Variants in ADGRA1 observed in about 807,000 individuals in gnomAD.
ADGRA1 encodes the protein G-protein coupled receptor 123.
A neutral mutation model predicts 21.3 loss-of-function variants in ADGRA1; 12 were observed. The observed-to-expected ratio is 0.56, with a 90% CI of 0.36 to 0.91. The LOEUF (loss-of-function observed/expected upper bound fraction) is 0.91, where lower values mean the gene tolerates loss of function less well. Ranked by LOEUF, ADGRA1 falls within the 40% of genes least tolerant of loss-of-function variation. The pLI is 0.01. For missense variants in ADGRA1, 790 were observed against 805.6 expected, an observed-to-expected ratio of 0.98 and a Z score of 0.23; for synonymous variants, 385 against 368.8, an observed-to-expected ratio of 1.04 and a Z score of -0.50.
At chr10:133,101,442 C>T (rs1851793219) in intron 4 of ADGRA1, among the ~76,000 whole-genome samples, 1 of 152,346 alleles carries the variant, frequency 6.6e-6, no homozygotes, top group African/African-American at 2.4e-5. Context: ...CCGTGGGACG[C>T]TGGTGGCTTC....
At chr10:133,104,069 C>T (rs1307204633) in intron 5 of ADGRA1, among the ~76,000 whole-genome samples, 1 of 152,248 alleles carries the variant, frequency 6.6e-6, no homozygotes, top group Non-Finnish European at 1.5e-5. Flanking sequence ...CTCGGAAGGG[C>T]TGTCCGGCAC....
intron 5 of ADGRA1, among the ~76,000 whole-genome samples, chr10:133,110,491 C>T (rs1204268270): frequency 2.6e-5 from 4 of 152,252 alleles, no homozygotes; most frequent in Admixed American, 6.5e-5. Context: ...GACCCAGGCA[C>T]CTGCCACGCC....
At chr10:133,115,570 C>T (rs1437519327) in intron 5 of ADGRA1, among the ~76,000 whole-genome samples, 1 of 152,212 alleles carries the variant, frequency 6.6e-6, no homozygotes, top group African/African-American at 2.4e-5. Flanking sequence ...CAGTGCTAGC[C>T]AGCCACCTCC....
chr10:133,102,745 G>A lies in ADGRA1; in HGVS notation c.304G>A (p.Gly102Arg). The A allele has an allele frequency of 6.2e-7, 1 of 1,612,726 alleles. No homozygotes were observed. Among genetic ancestry groups the A allele is most frequent in the Non-Finnish European group, 8.5e-7 (1 of 1,179,810 alleles). The change falls in exon 5 of 7, where the codon GGA (glycine) becomes AGA (arginine). Residue 102 changes from glycine to arginine, a missense_variant. Gly to Arg is a moderately radical substitution (Grantham distance 125). Coordinates refer to ENST00000392607, the MANE Select transcript of ADGRA1 (RefSeq NM_001083909.3). ...TACACTGTCCACCATGCTGTGGATA[G>A]GAGTGACCGCCAGGAACATCTACAA... Reference protein sequence around the residue: ...YSTLSTMLWIGVTARNIYKQV... With the variant: ...YSTLSTMLWIRVTARNIYKQV...
chr10:133,115,036 G>T (rs1357321668), intron 5 of ADGRA1, among the ~76,000 whole-genome samples: 1 of 152,214 alleles, frequency 6.6e-6, no homozygotes, highest in Non-Finnish European at 1.5e-5. Flanking sequence ...TGGTGGGGCA[G>T]CGCCACTGTC....
At chr10:133,089,139 G>A in intron 2 of ADGRA1, 1 of 728,992 alleles carries the variant, frequency 1.4e-6, no homozygotes, top group Non-Finnish European at 1.9e-6. Context: ...TCATACTAAT[G>A]AGTTGCAGGC....
chr10:133,117,800 G>A (rs559711282), intron 5 of ADGRA1, among the ~76,000 whole-genome samples: 1 of 152,362 alleles, frequency 6.6e-6, no homozygotes, highest in South Asian at 2.1e-4. Flanking sequence ...CTTGCAATCT[G>A]GTGACTTCAT....
intron 2 of ADGRA1, among the ~76,000 whole-genome samples, chr10:133,094,234 G>T (rs570305432): frequency 6.6e-6 from 1 of 152,240 alleles, no homozygotes; most frequent in South Asian, 2.1e-4. Context: ...CCTTGCACTC[G>T]CGCCCTGAGA....
At position 133,128,743 on chromosome 10, in the gene ADGRA1, C is replaced by T. The variant is rs1852438560; in HGVS notation, c.915C>T (p.His305=). The T allele has an allele frequency of 6.2e-7, 1 of 1,612,068 alleles. No individual in the cohort carries two copies. Residue 305 remains histidine (H), a synonymous_variant, in exon 7 of 7, where the codon CAC becomes CAT. Coordinates refer to ENST00000392607, the MANE Select transcript of ADGRA1 (RefSeq NM_001083909.3). Reference sequence around the variant, plus strand: ...CCCTGGGACTCTTCGTGCTCATCCACCACTGCGCCAAGCGTGAGGACGTGT... The same window carrying T: ...CCCTGGGACTCTTCGTGCTCATCCATCACTGCGCCAAGCGTGAGGACGTGT... ...CVTLGLFVLI[H]HCAKREDVWQ... is the part of the protein sequence containing the mutation.
Position 133,129,072 on chromosome 10 carries a change from G to A in ADGRA1, c.1244G>A (p.Gly415Glu). 1 of 1,550,244 alleles carries A rather than the reference G, an allele frequency of 6.5e-7. No homozygotes were observed. Among genetic ancestry groups the A allele is most frequent in the Non-Finnish European group, 8.7e-7 (1 of 1,145,394 alleles). Residue 415 changes from glycine to glutamate, a missense_variant, in exon 7 of 7, where the codon GGG (glycine) becomes GAG (glutamate). By Grantham distance (98) the Gly-to-Glu change is moderately conservative. Around this residue, in one of 3 missense-constraint regions of ADGRA1, gnomAD observed 391 missense variants for 351.5 expected, o/e 1.11. Coordinates refer to ENST00000392607, the MANE Select transcript of ADGRA1 (RefSeq NM_001083909.3). ...GAFGHDPHLH[G>E]CLQGRTKPPY... ...TTCGGGCACGACCCCCACCTGCACGGGTGCCTTCAGGGCAGAACTAAGCCG... is the reference window on the plus strand; with the variant it reads ...TTCGGGCACGACCCCCACCTGCACGAGTGCCTTCAGGGCAGAACTAAGCCG...
intron 2 of ADGRA1, chr10:133,095,716 G>C (rs1159967037): frequency 1.3e-6 from 2 of 1,598,166 alleles, no homozygotes; most frequent in Admixed American, 3.3e-5. Flanking sequence ...GGACGGACAA[G>C]AAGTGTGGCC....
chr10:133,121,509 AAG>A (rs1852256766), intron 5 of ADGRA1, among the ~76,000 whole-genome samples: 1 of 136,802 alleles, frequency 7.3e-6, no homozygotes, highest in African/African-American at 2.8e-5. Flanking sequence ...GCGTGTGTGC[AAG>A]TGTGAGTGCC....
Position 133,129,545 on chromosome 10 carries a change from C to A in ADGRA1, c.*34C>A, listed in dbSNP as rs778585067. ...AGAGGACACGGTGTTCCTGGAGGAGCTTCAGAGCAGAGTGGGGGGCCCATC... is the reference window on the plus strand; with the variant it reads ...AGAGGACACGGTGTTCCTGGAGGAGATTCAGAGCAGAGTGGGGGGCCCATC... On this transcript the variant is annotated 3_prime_UTR_variant, in exon 7 of 7. Coordinates refer to ENST00000392607, the MANE Select transcript of ADGRA1 (RefSeq NM_001083909.3). 7.2e-6 allele frequency: 11 copies of A among 1,531,642 alleles called. No individual in the cohort carries two copies. Among genetic ancestry groups the A allele is most frequent in the Non-Finnish European group, 3.5e-6 (4 of 1,141,160 alleles). The allele number at this position is 1,531,642 out of a possible 1,614,324, so 94.9% of individuals were successfully genotyped here. A position where few individuals can be genotyped will look rare whatever the true frequency, so the allele number is the denominator to read the frequency against.
In ADGRA1 at chr10:133,129,611, T is replaced by C; in HGVS notation, c.*100T>C. ...CTGGGGGTACCGAAGTGACCCCGCC[T>C]TTCAGAAGCCGTTCACACCCCTGCC... On this transcript the variant is annotated 3_prime_UTR_variant, in exon 7 of 7. Coordinates refer to ENST00000392607, the MANE Select transcript of ADGRA1 (RefSeq NM_001083909.3). The C allele has an allele frequency of 1.0e-6, 1 of 964,304 alleles. No individual in the cohort carries two copies. The highest frequency in any genetic ancestry group is 3.0e-5 in the Admixed American group (1 of 33,454). The allele number at this position is 964,304 out of a possible 1,614,324, so 59.7% of individuals were successfully genotyped here. A position where few individuals can be genotyped will look rare whatever the true frequency, so the allele number is the denominator to read the frequency against.
chr10:133,122,439 G>A (rs566229365), intron 5 of ADGRA1, among the ~76,000 whole-genome samples: 8 of 152,354 alleles, frequency 5.3e-5, no homozygotes, highest in Non-Finnish European at 7.4e-5. Context: ...GGCTGGGCAC[G>A]GGGCCGAGGG....
intron 5 of ADGRA1, among the ~76,000 whole-genome samples, chr10:133,107,063 T>C (rs1020070977): frequency 1.3e-5 from 2 of 152,250 alleles, no homozygotes; most frequent in African/African-American, 4.8e-5. Flanking sequence ...CCTCCTTGGT[T>C]GAATTTTTTT....
intron 5 of ADGRA1, among the ~76,000 whole-genome samples, chr10:133,123,721 C>A (rs934620770): frequency 3.9e-4 from 60 of 152,132 alleles, no homozygotes; most frequent in Middle Eastern, 3.4e-3. Context: ...CCCTCCCCCC[C>A]CCCGGCACCT....
chr10:133,122,047 G>C (rs1314078985), intron 5 of ADGRA1, among the ~76,000 whole-genome samples: 1 of 152,152 alleles, frequency 6.6e-6, no homozygotes, highest in African/African-American at 2.4e-5. Context: ...GTGAGAGTGG[G>C]GGGGCATGTA....
intron 2 of ADGRA1, among the ~76,000 whole-genome samples, chr10:133,093,890 A>C (rs754653102): frequency 6.6e-6 from 1 of 152,268 alleles, no homozygotes; most frequent in African/African-American, 2.4e-5. Flanking sequence ...TCCACTGCAC[A>C]TGACCCACTT....
Sources: allele counts gnomAD v4.1 joint callset (sites outside exome capture counted in the v4.1 genomes callset), GRCh38; gene constraint gnomAD v4.1.1; regional missense constraint gnomAD v4.1.1; transcripts MANE v1.5; gene names NCBI Gene and HGNC (gene_info 2026-07-23, HGNC 2026-07-21).